The following ZNF726 variants were observed in gnomAD, a reference collection of about 807,000 sequenced individuals.
ZNF726 encodes the protein zinc finger protein 92 pseudogene 3.
A neutral mutation model predicts 11.6 loss-of-function variants in ZNF726; 15 were observed. The ratio of observed to expected loss-of-function variants is 1.29; its 90% CI spans 0.86 to 1.99. The LOEUF is 1.99. ZNF726 is among the 30% of genes most tolerant of loss of function. ZNF726 has a pLI of 0.00. For synonymous variants in ZNF726, 295 were observed against 243.6 expected (o/e 1.21, Z -1.96); for missense variants, 890 against 725.6 (o/e 1.23, Z -2.60).
In ZNF726 at chr19:23,923,391, A is replaced by G. The variant is rs190224270; in HGVS notation, c.226+3309A>G. ...GCATTTTCTCTGAAATTTTATTGCCATACAATAGATGCCAGTAATTTTTTT... is the reference window on the plus strand; with the variant it reads ...GCATTTTCTCTGAAATTTTATTGCCGTACAATAGATGCCAGTAATTTTTTT... On this transcript the variant is annotated intron_variant, in intron 3 of 3. Transcript: ENST00000594466. 322 of 412,110 alleles carry G rather than the reference A, an allele frequency of 7.8e-4. 1 individual carries two copies. Among genetic ancestry groups the G allele is most frequent in the African/African-American group, 6.5e-3 (300 of 45,938 alleles). The allele number at this position is 412,110 out of a possible 1,614,324, so 25.5% of individuals were successfully genotyped here.
At chr19:23,930,942 A>G (rs1968090411) in intron 3 of ZNF726, among the ~76,000 whole-genome samples, 1 of 152,144 alleles carries the variant, frequency 6.6e-6, no homozygotes, top group Non-Finnish European at 1.5e-5. Context: ...GCTAAATCTT[A>G]ATACGTATTA....
chr19:23,934,180 A>G lies in ZNF726; in HGVS notation c.*213A>G, dbSNP rs761427955. On this transcript the variant is annotated 3_prime_UTR_variant, in exon 4 of 4. Transcript: ENST00000594466. ...TGGGAAAGCTTTTAATCATTCTCAA[A>G]TCTTACTACACATAAGATAATTCAT... is the stretch of plus-strand genomic sequence containing the variant. The G allele has an allele frequency of 3.7e-6, 3 of 812,100 alleles. No individual in the cohort carries two copies. The highest frequency in any genetic ancestry group is 2.1e-6 in the Non-Finnish European group (1 of 468,286). 50.3% of individuals were successfully genotyped at this position (812,100 alleles called of 1,614,324 possible).
intron 3 of ZNF726, among the ~76,000 whole-genome samples, chr19:23,929,973 T>G (rs1454758146): frequency 6.6e-6 from 1 of 152,156 alleles, no homozygotes; most frequent in Non-Finnish European, 1.5e-5. Context: ...TAGCAGTTCT[T>G]ACTATATGTA....
intron 3 of ZNF726, among the ~76,000 whole-genome samples, chr19:23,931,521 A>G (rs903417469): frequency 6.6e-6 from 1 of 152,014 alleles, no homozygotes; most frequent in Admixed American, 6.6e-5. Context: ...CTTTCAGAAA[A>G]TTTTATGATA....
At chr19:23,931,909 A>G (rs1968113856) in intron 3 of ZNF726, among the ~76,000 whole-genome samples, 1 of 152,138 alleles carries the variant, frequency 6.6e-6, no homozygotes. Context: ...TTATGTCATG[A>G]GAGACAGAAA....
downstream of ZNF726, among the ~76,000 whole-genome samples, chr19:23,937,543 G>T (rs1055155671): frequency 1.3e-5 from 2 of 151,520 alleles, no homozygotes; most frequent in Non-Finnish European, 2.9e-5. Context: ...CATCTCAGAC[G>T]ATGGGCAGCC....
downstream of ZNF726, among the ~76,000 whole-genome samples, chr19:23,934,647 C>G (rs576361790): frequency 1.1e-3 from 166 of 152,308 alleles, 4 homozygotes; most frequent in Admixed American, 6.5e-5. Flanking sequence ...CTCCGGACCC[C>G]CAAGGGCTAA....
At chr19:23,929,223 A>G (rs935422526) in intron 3 of ZNF726, 25 of 151,978 alleles carry the variant, frequency 1.6e-4, no homozygotes, top group African/African-American at 6.0e-4. Context: ...TTGTGTAGTG[A>G]TGTGCTTCAA....
chr19:23,940,642 T>G (rs1968324141), intron 3 of ZNF726, among the ~76,000 whole-genome samples: 1 of 152,202 alleles, frequency 6.6e-6, no homozygotes, highest in Admixed American at 6.5e-5. Context: ...TGTTTCTATT[T>G]GTTTGTGTCA....
intron 3 of ZNF726, among the ~76,000 whole-genome samples, chr19:23,922,514 G>A (rs1568375757): frequency 6.6e-6 from 1 of 152,334 alleles, no homozygotes; most frequent in East Asian, 1.9e-4. Flanking sequence ...GACTGTGGCT[G>A]TGAAGAGTTT....
downstream of ZNF726, among the ~76,000 whole-genome samples, chr19:23,936,407 A>T (rs1859596535): frequency 6.6e-6 from 1 of 152,204 alleles, no homozygotes; most frequent in African/African-American, 2.4e-5. Context: ...TTGAAAATAC[A>T]GAATTTTAAA....
chr19:23,923,825 A>G (rs1967916450), intron 3 of ZNF726: 2 of 152,596 alleles, frequency 1.3e-5, no homozygotes. Flanking sequence ...GCAGTTTTAT[A>G]TTAGTGTTTT....
chr19:23,917,216 G>A (rs1967722953), intron 1 of ZNF726, among the ~76,000 whole-genome samples: 1 of 152,218 alleles, frequency 6.6e-6, no homozygotes, highest in Non-Finnish European at 1.5e-5. Flanking sequence ...CTCCCAAAGT[G>A]CTGTGATTAC....
At chr19:23,935,454 A>T (rs918070345), downstream of ZNF726, 3 of 513,402 alleles carry the variant, frequency 5.8e-6, no homozygotes, top group East Asian at 1.6e-4. Flanking sequence ...TATTGGAGAG[A>T]AATCTTACAA....
At chr19:23,918,323 G>A (rs1442300526) in intron 1 of ZNF726, among the ~76,000 whole-genome samples, 1 of 152,100 alleles carries the variant, frequency 6.6e-6, no homozygotes, top group South Asian at 2.1e-4. Context: ...TGCATTACAC[G>A]ATTAAGAAAA....
At chr19:23,915,740 T>G (rs1415414988) in intron 1 of ZNF726, among the ~76,000 whole-genome samples, 2 of 151,854 alleles carry the variant, frequency 1.3e-5, no homozygotes, top group Admixed American at 1.3e-4. Flanking sequence ...GCCACCACAT[T>G]TGGCAATTTT....
At chr19:23,919,907 T>C in intron 2 of ZNF726, 80 bp from the exon 3 acceptor site, 1 of 848,014 alleles carries the variant, frequency 1.2e-6, no homozygotes, top group African/African-American at 1.8e-5. Flanking sequence ...TTCTATTATA[T>C]CCCTTTTACT....
At chr19:23,938,308 A>C (rs768925120), downstream of ZNF726, among the ~76,000 whole-genome samples, 11 of 152,190 alleles carry the variant, frequency 7.2e-5, no homozygotes, top group Non-Finnish European at 1.5e-4. Context: ...GATGTAAATA[A>C]ATTATGGAGT....
At chr19:23,931,338 C>A (rs769036090) in intron 3 of ZNF726, among the ~76,000 whole-genome samples, 5 of 152,060 alleles carry the variant, frequency 3.3e-5, no homozygotes, top group Non-Finnish European at 7.4e-5. Context: ...TGTCAGTTTC[C>A]TTTTGTATTT....
Sources: gnomAD v4.1 joint callset for allele counts (sites outside exome capture counted in the v4.1 genomes callset) on GRCh38, gnomAD v4.1.1 for gene constraint, MANE v1.5 for transcripts, NCBI Gene and HGNC (gene_info 2026-07-23, HGNC 2026-07-21) for gene names.